The following PDXDC1 variants were observed in gnomAD, a reference collection of about 807,000 sequenced individuals.
The protein encoded by PDXDC1 is pyridoxal dependent decarboxylase domain containing 1, also known as pyridoxal-dependent decarboxylase domain-containing protein 1.
Under a neutral mutation model 100.1 loss-of-function variants are expected in PDXDC1, and 42 were observed. The observed-to-expected ratio is 0.42, with a 90% CI of 0.33 to 0.54. The LOEUF is 0.54. PDXDC1 is among the 20% of genes least tolerant of loss of function. The probability of loss-of-function intolerance (pLI) is 0.10; values close to 1 mark genes in which losing one functional copy is unlikely to be tolerated. For missense variants in PDXDC1, 636 were observed against 979.2 expected, an observed-to-expected ratio of 0.65 and a Z score of 4.68; for synonymous variants, 260 against 371.7, an observed-to-expected ratio of 0.70 and a Z score of 3.46.
chr16:15,132,355 G>C (rs1458111624), intron 16 of PDXDC1, among the ~76,000 whole-genome samples: 1 of 21,176 alleles, frequency 4.7e-5, no homozygotes, highest in Non-Finnish European at 1.3e-4. Flanking sequence ...CTAGGGGAGG[G>C]GGGAGGGGCA....
At chr16:15,059,248 G>C (rs1270291777) in intron 16 of PDXDC1, among the ~76,000 whole-genome samples, 1 of 152,172 alleles carries the variant, frequency 6.6e-6, no homozygotes. Flanking sequence ...CTAGGGCACA[G>C]CCAGGGTTAA....
chr16:15,041,312 C>T (rs1461207272), downstream of PDXDC1, among the ~76,000 whole-genome samples: 1 of 152,106 alleles, frequency 6.6e-6, no homozygotes, highest in Non-Finnish European at 1.5e-5. Flanking sequence ...AACAAACTGG[C>T]AGCTGCAGAA....
rs1012427634 is a variant in PDXDC1 at position 15,024,479 on chromosome 16, T to G, written c.1140+1725T>G. Among the ~76,000 whole-genome samples, 7 of 151,318 alleles carry G rather than the reference T, an allele frequency of 4.6e-5. No homozygotes were observed. The Admixed American group carries it at 4.7e-4, about 10-fold the overall frequency. On this transcript the variant is annotated intron_variant, in intron 13 of 22. Coordinates refer to ENST00000396410, the MANE Select transcript of PDXDC1 (RefSeq NM_015027.4). ...TGGAGTGCAGTGGTGCGATCTTGGC[T>G]CACTCTAACCTCCGCCTCCTGGGTC...
intron 16 of PDXDC1, among the ~76,000 whole-genome samples, chr16:15,096,356 G>A (rs1359894997): frequency 2.0e-5 from 3 of 152,058 alleles, no homozygotes; most frequent in Non-Finnish European, 2.9e-5. Context: ...TGATCCGCCC[G>A]CCTTGGCATC....
In PDXDC1 at chr16:15,076,461, T is replaced by C. The variant is rs183359254; in HGVS notation, c.1399+46405T>C. 1,234 of 875,846 alleles carry C rather than the reference T, an allele frequency of 1.4e-3. 9 individuals are homozygous for C. Among genetic ancestry groups the C allele is most frequent in the South Asian group, 3.4e-3 (255 of 74,182 alleles). 54.3% of individuals were successfully genotyped at this position (875,846 alleles called of 1,614,324 possible). A position where few individuals can be genotyped will look rare whatever the true frequency, so the allele number is the denominator to read the frequency against. On this transcript the variant is annotated intron_variant, in intron 16 of 16. Transcript: ENST00000535621. ...TTTCAAGTTTGCTGAACTATTTTAATTCTTTCAATCTAAAGCCTTAACAAA... is the reference window on the plus strand; with the variant it reads ...TTTCAAGTTTGCTGAACTATTTTAACTCTTTCAATCTAAAGCCTTAACAAA...
At position 15,124,830 on chromosome 16, in the gene PDXDC1, T is replaced by C. The variant is rs1008016288; in HGVS notation, c.1400-14049T>C. On this transcript the variant is annotated intron_variant, in intron 16 of 16. Coordinates refer to the PDXDC1 transcript ENST00000535621. ...TTAACAAAAGTATGGAATTCAATTCTTTTTATATGCTGCAGCCATGTTCCA... is the reference window on the plus strand; with the variant it reads ...TTAACAAAAGTATGGAATTCAATTCCTTTTATATGCTGCAGCCATGTTCCA... 1.7e-3 allele frequency among the ~76,000 whole-genome samples: 257 copies of C among 150,434 alleles called. 2 individuals carry two copies. Among genetic ancestry groups the C allele is most frequent in the Non-Finnish European group, 3.0e-3 (204 of 67,662 alleles).
At chr16:15,017,834 C>T (rs980662991) in intron 11 of PDXDC1, among the ~76,000 whole-genome samples, 3 of 152,080 alleles carry the variant, frequency 2.0e-5, no homozygotes, top group Non-Finnish European at 4.4e-5. Flanking sequence ...CTCTGTCACC[C>T]AGGCTGGAGT....
At chr16:15,143,328 G>T (rs903513791), downstream of PDXDC1, among the ~76,000 whole-genome samples, 6 of 152,164 alleles carry the variant, frequency 3.9e-5, no homozygotes, top group Admixed American at 6.5e-5. Flanking sequence ...AACAGCAGAG[G>T]GTGTGGCCAG....
At chr16:15,141,260 C>G (rs867804802), downstream of PDXDC1, among the ~76,000 whole-genome samples, 1 of 152,208 alleles carries the variant, frequency 6.6e-6, no homozygotes, top group African/African-American at 2.4e-5. Context: ...TGGTGGGGCC[C>G]GGGGCCAGGG....
intron 16 of PDXDC1, chr16:15,045,262 A>C (rs944134247): frequency 6.6e-5 from 10 of 152,194 alleles, no homozygotes; most frequent in Non-Finnish European, 1.3e-4. Flanking sequence ...GCGCCACTGC[A>C]CTCCAGCTCT....
intron 16 of PDXDC1, among the ~76,000 whole-genome samples, chr16:15,093,549 A>G (rs1198017268): frequency 2.0e-5 from 3 of 152,190 alleles, no homozygotes; most frequent in Admixed American, 1.3e-4. Context: ...AGTAAGCAGG[A>G]GCTCGATAAT....
At chr16:15,064,524 T>C (rs2044870682) in intron 16 of PDXDC1, among the ~76,000 whole-genome samples, 1 of 152,164 alleles carries the variant, frequency 6.6e-6, no homozygotes, top group Non-Finnish European at 1.5e-5. Context: ...ATGTGGTCTC[T>C]AGAGGAAGGA....
rs1381223831 is a variant in PDXDC1 at position 15,037,423 on chromosome 16, T to C, written c.*1148T>C. ...CCTTAGTTATAGTATATTAAGCCTA[T>C]AATTATACTCTGATTTGATGGGATT... On this transcript the variant is annotated 3_prime_UTR_variant, in exon 23 of 23. Coordinates refer to ENST00000396410, the MANE Select transcript of PDXDC1 (RefSeq NM_015027.4). The C allele has an allele frequency of 6.6e-6, 1 of 152,312 alleles. No homozygotes were observed. Among genetic ancestry groups the C allele is most frequent in the Non-Finnish European group, 1.5e-5 (1 of 68,134 alleles). The allele number at this position is 152,312 out of a possible 1,614,324, so 9.4% of individuals were successfully genotyped here. A position where few individuals can be genotyped will look rare whatever the true frequency, so the allele number is the denominator to read the frequency against.
chr16:15,145,927 G>C, the PDXDC1 span, among the ~76,000 whole-genome samples: 9 of 152,210 alleles, frequency 5.9e-5, no homozygotes, highest in African/African-American at 2.2e-4. Context: ...AAAAGAACAC[G>C]TGTGTCTCCC....
chr16:15,076,367 C>T (rs2045454376), intron 16 of PDXDC1: 2 of 606,456 alleles, frequency 3.3e-6, no homozygotes, highest in Non-Finnish European at 5.9e-6. Flanking sequence ...AAATTCAAAG[C>T]CTTGGAAATA....
chr16:15,089,807 A>AC (rs1278011138), intron 16 of PDXDC1, among the ~76,000 whole-genome samples: 1 of 132,702 alleles, frequency 7.5e-6, no homozygotes, highest in Non-Finnish European at 1.7e-5. Flanking sequence ...AAAAAAAAAA[A>AC]AAAACAGATT....
At chr16:15,084,192 G>GA (rs1231839923) in intron 16 of PDXDC1, among the ~76,000 whole-genome samples, 2 of 152,066 alleles carry the variant, frequency 1.3e-5, no homozygotes, top group African/African-American at 4.8e-5. Context: ...TTTAAAAGAA[G>GA]AAAAAATCAT....
chr16:15,045,558 G>A (rs2044024619), intron 16 of PDXDC1: 1 of 152,132 alleles, frequency 6.6e-6, no homozygotes, highest in Non-Finnish European at 1.5e-5. Flanking sequence ...GAATGCTTCA[G>A]CCCAGAAGTT....
intron 1 of PDXDC1, among the ~76,000 whole-genome samples, chr16:14,977,905 C>T (rs1451200151): frequency 1.3e-5 from 2 of 152,250 alleles, no homozygotes; most frequent in Admixed American, 6.5e-5. Flanking sequence ...TTGATGCTCA[C>T]CCTCTAAAAT....
Sources: gnomAD v4.1 joint callset for allele counts (sites outside exome capture counted in the v4.1 genomes callset) on GRCh38, gnomAD v4.1.1 for gene constraint, MANE v1.5 for transcripts, NCBI Gene and HGNC (gene_info 2026-07-23, HGNC 2026-07-21) for gene names.